Variants in FYN observed in about 807,000 individuals in gnomAD.
The protein encoded by FYN is FYN proto-oncogene, Src family tyrosine kinase.
A neutral mutation model predicts 70.2 loss-of-function variants in FYN; 10 were observed. The observed-to-expected ratio is 0.14, with a 90% CI of 0.09 to 0.24. The LOEUF (loss-of-function observed/expected upper bound fraction) is 0.24. Among genes scored for constraint, FYN ranks in the 10% least tolerant of loss-of-function variants. The probability of loss-of-function intolerance (pLI) is 1.00; values close to 1 mark genes in which losing one functional copy is unlikely to be tolerated. For synonymous variants in FYN, 236 were observed against 248.6 expected, an observed-to-expected ratio of 0.95 and a Z score of 0.48; for missense variants, 319 against 673.1, an observed-to-expected ratio of 0.47 and a Z score of 5.82.
chr6:111,799,509 CT>C (rs1257693009), intron 2 of FYN, among the ~76,000 whole-genome samples: 1 of 152,200 alleles, frequency 6.6e-6, no homozygotes, highest in Admixed American at 6.5e-5. Flanking sequence ...CTCTAACCCC[CT>C]GGTGTTCGCA....
At chr6:111,840,140 A>C (rs1773313897) in intron 2 of FYN, among the ~76,000 whole-genome samples, 1 of 152,180 alleles carries the variant, frequency 6.6e-6, no homozygotes, top group African/African-American at 2.4e-5. Flanking sequence ...TGCAAGCTTT[A>C]TGTTTCGATA....
At chr6:111,737,545 G>A (rs1316818308) in intron 3 of FYN, among the ~76,000 whole-genome samples, 1 of 152,230 alleles carries the variant, frequency 6.6e-6, no homozygotes, top group African/African-American at 2.4e-5. Context: ...AAAGGGCGTG[G>A]AGCGTCCACG....
intron 2 of FYN, among the ~76,000 whole-genome samples, chr6:111,789,032 C>G (rs932431059): frequency 3.9e-5 from 6 of 152,146 alleles, no homozygotes; most frequent in African/African-American, 1.4e-4. Flanking sequence ...TGGGAGTAAA[C>G]AGCAGAGAGA....
Position 111,671,848 on chromosome 6 carries a change from T to A in FYN, c.1405+2651A>T, listed in dbSNP as rs568046256. 5.3e-5 allele frequency among the ~76,000 whole-genome samples: 8 copies of A among 152,316 alleles called. No homozygotes were observed. The South Asian group carries it at 1.7e-3, about 32-fold the overall frequency. The stretch of plus-strand genomic sequence containing the variant: ...TTATTATCCTTCGTTAGGGTAATAA[T>A]CCTATAATTGGAATCCCTCTGTAAA... On this transcript the variant is annotated intron_variant, in intron 13 of 13. Coordinates refer to ENST00000354650, the MANE Select transcript of FYN (RefSeq NM_002037.5).
At chr6:111,770,827 T>G (rs1046328355) in intron 3 of FYN, among the ~76,000 whole-genome samples, 1 of 152,078 alleles carries the variant, frequency 6.6e-6, no homozygotes, top group Admixed American at 6.5e-5. Context: ...TAATCCAGAA[T>G]TGGGAGCATG....
At chr6:111,813,295 G>A (rs1030969046) in intron 2 of FYN, among the ~76,000 whole-genome samples, 1 of 152,130 alleles carries the variant, frequency 6.6e-6, no homozygotes, top group Non-Finnish European at 1.5e-5. Context: ...TACCACAGCA[G>A]CAATTTAAGA....
intron 4 of FYN, among the ~76,000 whole-genome samples, chr6:111,717,952 C>A (rs1362171464): frequency 6.6e-6 from 1 of 152,182 alleles, no homozygotes; most frequent in Non-Finnish European, 1.5e-5. Flanking sequence ...GCTCATTTGG[C>A]AACTTTCCTT....
At chr6:111,751,466 C>CAACAACAAAAAT (rs368638918) in intron 3 of FYN, among the ~76,000 whole-genome samples, 7 of 120,590 alleles carry the variant, frequency 5.8e-5, no homozygotes, top group African/African-American at 3.5e-4. Flanking sequence ...ACAACAAAAA[C>CAACAACAAAAAT]CCCCCAAAAC....
Position 111,694,709 on chromosome 6 carries a change from G to A in FYN, c.1043-5C>T, listed in dbSNP as rs1208783614. On this transcript the variant is annotated splice_region_variant and splice_polypyrimidine_tract_variant and intron_variant, in intron 10 of 13. Coordinates refer to ENST00000354650, the MANE Select transcript of FYN (RefSeq NM_002037.5). This position sits in a 1 kb window ranked among gnomAD's most constrained non-coding sequence, Gnocchi z 5.0. ...TTAAGAAATCCAGTAAACTTCCTAT[G>A]AACAAAACATAAAATCATTTCAATT... is the stretch of plus-strand genomic sequence containing the variant. 2 of 1,602,166 alleles carry A rather than the reference G, an allele frequency of 1.2e-6. No homozygotes were observed. The highest frequency in any genetic ancestry group is 2.2e-5 in the South Asian group (2 of 89,918).
chr6:111,714,275 T>C (rs903386430), intron 5 of FYN, 72 bp downstream of exon 5: 27 of 916,096 alleles, frequency 2.9e-5, no homozygotes, highest in Middle Eastern at 4.3e-4. Flanking sequence ...TCTGAAGAGA[T>C]GCAGACCAGA....
At chr6:111,821,493 T>C (rs1374166221) in intron 2 of FYN, among the ~76,000 whole-genome samples, 1 of 152,174 alleles carries the variant, frequency 6.6e-6, no homozygotes, top group East Asian at 1.9e-4. Context: ...TCAAGATGGA[T>C]TAAAGACTTA....
intron 2 of FYN, chr6:111,793,669 T>C (rs968381524): frequency 1.3e-5 from 2 of 152,204 alleles, no homozygotes; most frequent in African/African-American, 2.4e-5. Context: ...GGAATATACA[T>C]GGTCATGAGG....
chr6:111,711,481 C>A (rs980380045), intron 5 of FYN, among the ~76,000 whole-genome samples: 2 of 152,260 alleles, frequency 1.3e-5, no homozygotes, highest in Non-Finnish European at 2.9e-5. Flanking sequence ...TGAGCACTTA[C>A]AACGGGTCAA....
intron 2 of FYN, among the ~76,000 whole-genome samples, chr6:111,788,037 T>C (rs1257617160): frequency 6.6e-6 from 1 of 152,136 alleles, no homozygotes; most frequent in Non-Finnish European, 1.5e-5. Flanking sequence ...CCTTCACCTG[T>C]CCTATTTCCT....
At chr6:111,716,777 G>C (rs930852466) in intron 4 of FYN, among the ~76,000 whole-genome samples, 1 of 149,066 alleles carries the variant, frequency 6.7e-6, no homozygotes, top group African/African-American at 2.5e-5. Flanking sequence ...ATGATCAAGA[G>C]AGTTAATTTT....
At chr6:111,775,312 T>C (rs572124951) in intron 3 of FYN, among the ~76,000 whole-genome samples, 7 of 152,326 alleles carry the variant, frequency 4.6e-5, no homozygotes, top group Admixed American at 4.6e-4. Flanking sequence ...TGGGTGATTG[T>C]AGCAGAGGAG....
At chr6:111,836,335 T>C (rs889755671) in intron 2 of FYN, among the ~76,000 whole-genome samples, 1 of 152,224 alleles carries the variant, frequency 6.6e-6, no homozygotes, top group Non-Finnish European at 1.5e-5. Flanking sequence ...GTGATACTCA[T>C]GGGTTAAACA....
intron 8 of FYN, among the ~76,000 whole-genome samples, chr6:111,701,387 G>A (rs1034797286): frequency 6.6e-6 from 1 of 152,160 alleles, no homozygotes; most frequent in African/African-American, 2.4e-5. Context: ...AAGCAGATGT[G>A]CTGCTGGGCT....
chr6:111,852,381 A>G (rs1172540929), intron 1 of FYN, among the ~76,000 whole-genome samples: 1 of 152,196 alleles, frequency 6.6e-6, no homozygotes, highest in Non-Finnish European at 1.5e-5. Flanking sequence ...AAATGGTGGA[A>G]TGAAAGCCAG....
Sources: gnomAD v4.1 joint callset for allele counts (sites outside exome capture counted in the v4.1 genomes callset) on GRCh38, gnomAD v4.1.1 for gene constraint, Gnocchi (gnomAD v3.1) non-coding constraint, MANE v1.5 for transcripts, NCBI Gene and HGNC (gene_info 2026-07-23, HGNC 2026-07-21) for gene names.